MON2: variants seen among roughly 807,000 people sequenced by gnomAD.
The protein encoded by MON2 is protein MON2 homolog.
MON2 carries 84 observed loss-of-function variants against 208.6 expected under a neutral mutation model. That is an observed-to-expected ratio of 0.40 (90% CI 0.34 to 0.48). MON2 has a LOEUF of 0.48. Ranked by LOEUF, MON2 falls within the 20% of genes least tolerant of loss-of-function variation. The probability of loss-of-function intolerance (pLI) is 0.59; values close to 1 mark genes in which losing one functional copy is unlikely to be tolerated. For synonymous variants in MON2, 660 were observed against 694.0 expected, an observed-to-expected ratio of 0.95 and a Z score of 0.77; for missense variants, 1,611 against 2,015.4, an observed-to-expected ratio of 0.80 and a Z score of 3.84.
At chr12:62,590,393 C>A (rs1247127973) in intron 34 of MON2, among the ~76,000 whole-genome samples, 4 of 151,906 alleles carry the variant, frequency 2.6e-5, no homozygotes, top group Non-Finnish European at 5.9e-5. Context: ...GCCCCCCAGC[C>A]AAGATTTTGT....
rs929599496 is a variant in MON2 at position 62,593,304 on chromosome 12, G to T, written c.*555G>T. ...TAGTGCATTTATTTAAATTTTAAAA[G>T]TATTGATAATGTTAAATGCTTAAAG... On this transcript the variant is annotated 3_prime_UTR_variant, in exon 35 of 35. Transcript: ENST00000393630. The T allele has an allele frequency of 6.6e-6, 1 of 152,494 alleles. No homozygotes were observed. Among genetic ancestry groups the T allele is most frequent in the African/African-American group, 2.4e-5 (1 of 41,412 alleles). 9.4% of individuals were successfully genotyped at this position (152,494 alleles called of 1,614,324 possible). A position where few individuals can be genotyped will look rare whatever the true frequency, so the allele number is the denominator to read the frequency against.
chr12:62,485,489 T>G (rs780156853), intron 2 of MON2, among the ~76,000 whole-genome samples: 2 of 152,252 alleles, frequency 1.3e-5, no homozygotes, highest in African/African-American at 2.4e-5. Flanking sequence ...AAATTTGCCC[T>G]TAGCATAAGC....
chr12:62,489,996 A>G (rs1332427623), intron 2 of MON2: 34 of 1,160,924 alleles, frequency 2.9e-5, no homozygotes, highest in Non-Finnish European at 3.8e-5. Flanking sequence ...TGTTAATATG[A>G]TTCATAGTGG....
In MON2 at chr12:62,478,353, A is replaced by G. The variant is rs185312458; in HGVS notation, c.112-5817A>G. ...ATGAATAAGATAAAGTGTTACAGGT[A>G]CAAGCCATAGACAGTACTAAAGGTA... On this transcript the variant is annotated intron_variant, in intron 1 of 34. Coordinates refer to ENST00000393630, the MANE Select transcript of MON2 (RefSeq NM_015026.3). Among the ~76,000 whole-genome samples the G allele has an allele frequency of 1.5e-3, 229 of 152,318 alleles. 5 individuals carry two copies. The highest frequency in any genetic ancestry group is 5.3e-3 in the African/African-American group (219 of 41,580).
intron 1 of MON2, among the ~76,000 whole-genome samples, chr12:62,467,901 C>T (rs1239888590): frequency 6.6e-6 from 1 of 151,478 alleles, no homozygotes; most frequent in Non-Finnish European, 1.5e-5. Context: ...GCAGTCAGAG[C>T]GAATACACCT....
At chr12:62,473,576 GT>G (rs1360178198) in intron 1 of MON2, among the ~76,000 whole-genome samples, 17 of 151,430 alleles carry the variant, frequency 1.1e-4, no homozygotes. Context: ...TTTTCTTTTT[GT>G]TTCTATTTTT....
intron 33 of MON2, among the ~76,000 whole-genome samples, chr12:62,586,519 GA>G (rs2075225440): frequency 6.6e-6 from 1 of 152,106 alleles, no homozygotes; most frequent in South Asian, 2.1e-4. Flanking sequence ...TTTGATGAAT[GA>G]AAAATAGTCA....
At chr12:62,506,092 A>T (rs1316270117) in intron 7 of MON2, among the ~76,000 whole-genome samples, 1 of 152,176 alleles carries the variant, frequency 6.6e-6, no homozygotes, top group East Asian at 1.9e-4. Flanking sequence ...TGAATTGGTA[A>T]AACTTTTAAG....
Position 62,596,583 on chromosome 12 carries a change from TC to T in MON2, c.*3836del, listed in dbSNP as rs1334676105. ...CATCACATTTTACTATGCTTAGTGT[TC>T]CTGGGTTGTATTTATCTACATTATT... On this transcript the variant is annotated 3_prime_UTR_variant, in exon 35 of 35. Transcript: ENST00000393630. 20 of 152,222 alleles carry T rather than the reference TC, an allele frequency of 1.3e-4. No individual in the cohort carries two copies. The allele number at this position is 152,222 out of a possible 1,614,324, so 9.4% of individuals were successfully genotyped here. A position where few individuals can be genotyped will look rare whatever the true frequency, so the allele number is the denominator to read the frequency against.
chr12:62,503,551 C>G lies in MON2; in HGVS notation c.789+1853C>G, dbSNP rs115439692. On this transcript the variant is annotated intron_variant, in intron 7 of 34. Coordinates refer to ENST00000393630, the MANE Select transcript of MON2 (RefSeq NM_015026.3). ...TTTTAAAAAGTCGAATCTTTTTAGT[C>G]TCTTGTAAATTGGTTCAGTTGATAT... Among the ~76,000 whole-genome samples the G allele has an allele frequency of 1.1e-3, 172 of 152,304 alleles. No individual in the cohort carries two copies. The Middle Eastern group carries it at 0.014, about 12-fold the overall frequency.
At chr12:62,487,488 A>C (rs1415861306) in intron 2 of MON2, among the ~76,000 whole-genome samples, 2 of 152,072 alleles carry the variant, frequency 1.3e-5, no homozygotes, top group Non-Finnish European at 2.9e-5. Flanking sequence ...GTCAGTATAC[A>C]TAAAGAATTT....
At chr12:62,471,801 T>G (rs2068804084) in intron 1 of MON2, among the ~76,000 whole-genome samples, 1 of 152,098 alleles carries the variant, frequency 6.6e-6, no homozygotes, top group Non-Finnish European at 1.5e-5. Flanking sequence ...AAAACTGAAG[T>G]TTCAGTGGCA....
At chr12:62,476,121 A>T (rs1004047985) in intron 1 of MON2, among the ~76,000 whole-genome samples, 1 of 152,242 alleles carries the variant, frequency 6.6e-6, no homozygotes, top group African/African-American at 2.4e-5. Flanking sequence ...TTTGTTAAGG[A>T]AATTTTGTTT....
intron 30 of MON2, among the ~76,000 whole-genome samples, chr12:62,577,371 A>G (rs1189631451): frequency 6.6e-6 from 1 of 152,092 alleles, no homozygotes; most frequent in Non-Finnish European, 1.5e-5. Flanking sequence ...AGAATATAAT[A>G]CCTGATGCAA....
chr12:62,507,456 G>A (rs1178532583), intron 7 of MON2, among the ~76,000 whole-genome samples: 6 of 151,400 alleles, frequency 4.0e-5, no homozygotes, highest in African/African-American at 7.3e-5. Context: ...AGCTGGGACC[G>A]CAGGAGGCAC....
At chr12:62,538,616 A>T in intron 19 of MON2, 111 bp downstream of exon 19, 3 of 745,960 alleles carry the variant, frequency 4.0e-6, no homozygotes, top group Non-Finnish European at 6.6e-6. Flanking sequence ...ATTGTATGGT[A>T]ACCATACTCT....
chr12:62,494,927 C>A, intron 3 of MON2, 89 bp from the exon 4 acceptor site: 1 of 876,524 alleles, frequency 1.1e-6, no homozygotes, highest in South Asian at 2.5e-5. Context: ...TCCTCTTCAG[C>A]TGATGTAGGT....
At chr12:62,490,390 T>A (rs1565965885) in intron 2 of MON2, among the ~76,000 whole-genome samples, 1 of 152,112 alleles carries the variant, frequency 6.6e-6, no homozygotes, top group Non-Finnish European at 1.5e-5. Context: ...AAGTAAAATG[T>A]CTTCTTTATA....
rs1565683401 is a variant in MON2 at position 62,557,945 on chromosome 12, TA to T, written c.3409+1754del. On this transcript the variant is annotated intron_variant, in intron 25 of 34. Coordinates refer to ENST00000393630, the MANE Select transcript of MON2 (RefSeq NM_015026.3). ...GAATAGATTTATATATATATATATA[TA>T]TATATATATATATATATTTTTTTTT... Among the ~76,000 whole-genome samples the T allele has an allele frequency of 8.1e-3, 336 of 41,310 alleles. 5 individuals are homozygous for T. Among genetic ancestry groups the T allele is most frequent in the African/African-American group, 0.017 (131 of 7,922 alleles). The allele number at this position is 41,310 out of a possible 152,430, so 27.1% of individuals were successfully genotyped here. A position where few individuals can be genotyped will look rare whatever the true frequency, so the allele number is the denominator to read the frequency against.
Sources: allele counts gnomAD v4.1 joint callset (sites outside exome capture counted in the v4.1 genomes callset), GRCh38; gene constraint gnomAD v4.1.1; transcripts MANE v1.5; gene names NCBI Gene and HGNC (gene_info 2026-07-23, HGNC 2026-07-21).